CACNA1B: variants seen among roughly 807,000 people sequenced by gnomAD.
The protein encoded by CACNA1B is voltage-dependent N-type calcium channel subunit alpha-1B.
A neutral mutation model predicts 247.2 loss-of-function variants in CACNA1B; 70 were observed. The ratio of observed to expected loss-of-function variants is 0.28; its 90% CI spans 0.23 to 0.35. The LOEUF (loss-of-function observed/expected upper bound fraction) is 0.35, where lower values mean the gene tolerates loss of function less well. CACNA1B is among the 10% of genes least tolerant of loss of function. CACNA1B has a pLI of 1.00. For missense variants in CACNA1B, 2,367 were observed against 3,197.4 expected, an observed-to-expected ratio of 0.74 and a Z score of 6.26; for synonymous variants, 1,231 against 1,294.4, an observed-to-expected ratio of 0.95 and a Z score of 1.05.
At chr9:138,042,876 C>G (rs1209030955) in intron 20 of CACNA1B, among the ~76,000 whole-genome samples, 1 of 152,208 alleles carries the variant, frequency 6.6e-6, no homozygotes, top group African/African-American at 2.4e-5. Flanking sequence ...CACTTTGTTG[C>G]TTCTTAAACT....
In CACNA1B at chr9:137,961,214, A is replaced by G. The variant is rs544313126; in HGVS notation, c.1333+3527A>G. 7.2e-5 allele frequency among the ~76,000 whole-genome samples: 11 copies of G among 152,334 alleles called. No homozygotes were observed. The South Asian group carries it at 8.3e-4, about 11-fold the overall frequency. On this transcript the variant is annotated intron_variant, in intron 10 of 46. Transcript: ENST00000371372. ...CTCTCAGCTTGCCTGTTGTTGGTAT[A>G]TAAGAATGCTGGCGATTTTTGAACA...
intron 6 of CACNA1B, among the ~76,000 whole-genome samples, chr9:137,948,788 G>T (rs1028240845): frequency 1.4e-5 from 2 of 146,768 alleles, no homozygotes; most frequent in Non-Finnish European, 3.0e-5. Context: ...GTATGTGTGT[G>T]GTGTGTGTGT....
chr9:137,883,663 A>G (rs1234044037), intron 3 of CACNA1B, among the ~76,000 whole-genome samples: 2 of 151,550 alleles, frequency 1.3e-5, no homozygotes, highest in African/African-American at 4.9e-5. Flanking sequence ...TGGTGTGGAG[A>G]GTGGTGGCTG....
chr9:137,960,791 C>G (rs1284466558), intron 10 of CACNA1B, among the ~76,000 whole-genome samples: 1 of 152,086 alleles, frequency 6.6e-6, no homozygotes, highest in Admixed American at 6.5e-5. Flanking sequence ...GTGACACCCT[C>G]TGGCTTCTGT....
intron 6 of CACNA1B, among the ~76,000 whole-genome samples, chr9:137,924,801 G>C (rs189233576): frequency 2.4e-4 from 36 of 152,308 alleles, no homozygotes; most frequent in Admixed American, 8.5e-4. Context: ...ATTCTAATGT[G>C]TTTTGAGCAC....
intron 12 of CACNA1B, among the ~76,000 whole-genome samples, chr9:137,978,836 C>A (rs980931595): frequency 6.6e-6 from 1 of 152,078 alleles, no homozygotes; most frequent in Admixed American, 6.5e-5. Context: ...TTTCTGGCCT[C>A]GGGGGTAGTG....
rs540352266 is a variant in CACNA1B at position 138,084,955 on chromosome 9, GAAAA to G, written c.5094+6708_5094+6711del. 2.3e-5 allele frequency among the ~76,000 whole-genome samples: 2 copies of G among 87,762 alleles called. 1 individual carries two copies. The highest frequency in any genetic ancestry group is 9.1e-5 in the African/African-American group (2 of 22,002). 57.6% of individuals were successfully genotyped at this position (87,762 alleles called of 152,430 possible). The stretch of plus-strand genomic sequence containing the variant: ...TGACAGAGCGAGACTCCATCTCAAA[GAAAA>G]AAAAAAAAAAGCAAGGAAATCTGAC... On this transcript the variant is annotated intron_variant, in intron 36 of 46. Coordinates refer to ENST00000371372, the MANE Select transcript of CACNA1B (RefSeq NM_000718.4).
In CACNA1B at chr9:137,986,198, A is replaced by G. The variant is rs999306383; in HGVS notation, c.1770-215A>G. 6.6e-6 allele frequency among the ~76,000 whole-genome samples: 1 copy of G among 152,144 alleles called. No individual in the cohort carries two copies. Among genetic ancestry groups the G allele is most frequent in the African/African-American group, 2.4e-5 (1 of 41,434 alleles). On this transcript the variant is annotated intron_variant, in intron 13 of 46. Transcript: ENST00000371372. This position sits in a 1 kb window ranked among gnomAD's most constrained non-coding sequence, Gnocchi z 6.0. ...TTTGGGAGGACGAAGTGAGTCCTCC[A>G]CTGGGTGTGTTTTTCTCTGCCTTCC...
intron 20 of CACNA1B, 118 bp downstream of exon 20, chr9:138,025,290 C>G (rs761703408): frequency 1.5e-6 from 1 of 676,130 alleles, no homozygotes; most frequent in South Asian, 1.8e-5. Context: ...GAATTGTTCT[C>G]CTGGCTGGAG....
chr9:138,087,202 A>G lies in CACNA1B; in HGVS notation c.5094+8944A>G, dbSNP rs907848673. Among the ~76,000 whole-genome samples the G allele has an allele frequency of 2.0e-5, 3 of 149,472 alleles. 1 individual carries two copies. The highest frequency in any genetic ancestry group is 7.5e-5 in the African/African-American group (3 of 39,964). Reference sequence around the variant, plus strand: ...GGAGTTCGAGACCAGCCTGGCTAACATGGTGAAACCCTGTCTCTACTTAAA... The same window carrying G: ...GGAGTTCGAGACCAGCCTGGCTAACGTGGTGAAACCCTGTCTCTACTTAAA... On this transcript the variant is annotated intron_variant, in intron 36 of 46. Coordinates refer to ENST00000371372, the MANE Select transcript of CACNA1B (RefSeq NM_000718.4).
In CACNA1B at chr9:138,122,582, T is replaced by A. The variant is rs1469982100; in HGVS notation, c.*583T>A. On this transcript the variant is annotated 3_prime_UTR_variant, in exon 47 of 47. Coordinates refer to ENST00000371372, the MANE Select transcript of CACNA1B (RefSeq NM_000718.4). Reference sequence around the variant, plus strand: ...GAAGTGTTCTTGCTGTGGTTGTGATTTTTAATTGCAACACCTCTCATTCTT... The same window carrying A: ...GAAGTGTTCTTGCTGTGGTTGTGATATTTAATTGCAACACCTCTCATTCTT... The A allele has an allele frequency of 1.3e-5, 2 of 153,228 alleles. No homozygotes were observed. The highest frequency in any genetic ancestry group is 4.8e-5 in the African/African-American group (2 of 41,498). The allele number at this position is 153,228 out of a possible 1,614,324, so 9.5% of individuals were successfully genotyped here. A position where few individuals can be genotyped will look rare whatever the true frequency, so the allele number is the denominator to read the frequency against.
In CACNA1B at chr9:138,052,224, G is replaced by A. The variant is rs202125374; in HGVS notation, c.3807+36G>A. 8.9e-6 allele frequency: 10 copies of A among 1,127,602 alleles called. No homozygotes were observed. The highest frequency in any genetic ancestry group is 1.9e-5 in the Admixed American group (1 of 53,306). The allele number at this position is 1,127,602 out of a possible 1,614,324, so 69.8% of individuals were successfully genotyped here. On this transcript the variant is annotated intron_variant, in intron 25 of 46. Transcript: ENST00000371372. The surrounding 1 kb of genome is among the most constrained non-coding windows in gnomAD (Gnocchi z 5.1). ...GGAGTTGGGGCTTGAGGGATGTGCT[G>A]TGTGTGTGTGCGTGTGTGTGTGTGC...
In CACNA1B at chr9:138,077,806, G is replaced by C. The variant is rs62580946; in HGVS notation, c.4950-308G>C. The stretch of plus-strand genomic sequence containing the variant: ...TTCTGGAAATGAAGACCAAGATGGC[G>C]TGTGTCTGGGAGGAGGTCAGGAGTA... On this transcript the variant is annotated intron_variant, in intron 35 of 46. Coordinates refer to ENST00000371372, the MANE Select transcript of CACNA1B (RefSeq NM_000718.4). 0.17 allele frequency among the ~76,000 whole-genome samples: 26,564 copies of C among 152,232 alleles called. 2,567 individuals are homozygous for C. Among genetic ancestry groups the C allele is most frequent in the East Asian group, 0.3 (1,547 of 5,164 alleles).
Position 137,956,755 on chromosome 9 carries a change from T to A in CACNA1B, c.1187-16T>A. On this transcript the variant is annotated splice_polypyrimidine_tract_variant and intron_variant, in intron 8 of 46. Transcript: ENST00000371372. ...GGTCAGGAGGGCTCTGACCTGAGGC[T>A]GTGTTCCCCTCGCAGAGGAAGTCAT... The A allele has an allele frequency of 6.2e-7, 1 of 1,612,614 alleles. No individual in the cohort carries two copies. Among genetic ancestry groups the A allele is most frequent in the Non-Finnish European group, 8.5e-7 (1 of 1,179,060 alleles).
intron 36 of CACNA1B, among the ~76,000 whole-genome samples, chr9:138,085,942 G>A (rs553673491): frequency 1.7e-4 from 25 of 151,126 alleles, no homozygotes; most frequent in Admixed American, 9.2e-4. Flanking sequence ...TTACTATCGT[G>A]AAAACACACA....
Position 137,919,423 on chromosome 9 carries a change from C to G in CACNA1B, c.966+1992C>G, listed in dbSNP as rs145493827. Among the ~76,000 whole-genome samples the G allele has an allele frequency of 6.6e-6, 1 of 152,202 alleles. No individual in the cohort carries two copies. Among genetic ancestry groups the G allele is most frequent in the Non-Finnish European group, 1.5e-5 (1 of 68,036 alleles). On this transcript the variant is annotated intron_variant, in intron 6 of 46. Coordinates refer to ENST00000371372, the MANE Select transcript of CACNA1B (RefSeq NM_000718.4). This position sits in a 1 kb window ranked among gnomAD's most constrained non-coding sequence, Gnocchi z 4.6. ...TGCTACAACACCTTGGAAGCTTGGC[C>G]GGGGCAGCAAGATGCAGTCATGGCA... is the stretch of plus-strand genomic sequence containing the variant.
At position 138,078,079 on chromosome 9, in the gene CACNA1B, C is replaced by T. The variant is rs201840495; in HGVS notation, c.4950-35C>T. On this transcript the variant is annotated intron_variant, in intron 35 of 46. Coordinates refer to ENST00000371372, the MANE Select transcript of CACNA1B (RefSeq NM_000718.4). ...ACAGGGCTCGGGCTCCCTCAAGGGC[C>T]TCTGTGGGCCTCACAACTCTGCCCT... The T allele has an allele frequency of 1.4e-4, 227 of 1,606,430 alleles. 1 individual carries two copies. In the South Asian group the frequency reaches 1.8e-3, roughly 13 times the overall value.
At chr9:137,992,472 C>T (rs553361213) in intron 15 of CACNA1B, among the ~76,000 whole-genome samples, 22 of 152,258 alleles carry the variant, frequency 1.4e-4, no homozygotes, top group Middle Eastern at 3.4e-3. Context: ...ATGATATAGA[C>T]GGCAACACAG....
rs1564203293 is a variant in CACNA1B, at chr9:137,949,143, C to CTGTGTCTGATGTGTGTGGTG, written c.967-3127_967-3126insTCTGATGTGTGTGGTGTGTG. ...TCCAGTGTGTGTGTGTGTGGTGTAT[C>CTGTGTCTGATGTGTGTGGTG]TGTGCATGTGTGTGGTGTGTGCGCT... On this transcript the variant is annotated intron_variant, in intron 6 of 46. Coordinates refer to ENST00000371372, the MANE Select transcript of CACNA1B (RefSeq NM_000718.4). Among the ~76,000 whole-genome samples the CTGTGTCTGATGTGTGTGGTG allele has an allele frequency of 4.3e-3, 5 of 1,176 alleles. 2 individuals carry two copies. Among genetic ancestry groups the CTGTGTCTGATGTGTGTGGTG allele is most frequent in the Non-Finnish European group, 7.2e-3 (4 of 558 alleles). 0.8% of individuals were successfully genotyped at this position (1,176 alleles called of 152,430 possible).
Sources: allele counts gnomAD v4.1 joint callset (sites outside exome capture counted in the v4.1 genomes callset), GRCh38; gene constraint gnomAD v4.1.1; non-coding constraint Gnocchi (gnomAD v3.1); transcripts MANE v1.5; gene names NCBI Gene and HGNC (gene_info 2026-07-23, HGNC 2026-07-21).